The following FNBP1 variants were observed in gnomAD, a reference collection of about 807,000 sequenced individuals.
FNBP1 encodes the protein formin-binding protein 1.
FNBP1 carries 26 observed loss-of-function variants against 90.6 expected under a neutral mutation model. The ratio of observed to expected loss-of-function variants is 0.29; its 90% CI spans 0.21 to 0.40. The LOEUF (loss-of-function observed/expected upper bound fraction) is 0.40, where lower values mean the gene tolerates loss of function less well. Among genes scored for constraint, FNBP1 ranks in the 10% least tolerant of loss-of-function variants. The probability of loss-of-function intolerance (pLI) is 1.00; values close to 1 mark genes in which losing one functional copy is unlikely to be tolerated. For missense variants in FNBP1, 635 were observed against 768.0 expected, an observed-to-expected ratio of 0.83 and a Z score of 2.05; for synonymous variants, 260 against 265.2, an observed-to-expected ratio of 0.98 and a Z score of 0.19.
At chr9:129,962,747 A>G (rs1305899400) in intron 4 of FNBP1, among the ~76,000 whole-genome samples, 1 of 152,218 alleles carries the variant, frequency 6.6e-6, no homozygotes, top group Non-Finnish European at 1.5e-5. Flanking sequence ...TGTAATGGAC[A>G]TAAGGATAGA....
chr9:129,923,806 A>G, intron 10 of FNBP1, 38 bp downstream of exon 10: 1 of 1,521,554 alleles, frequency 6.6e-7, no homozygotes, highest in Non-Finnish European at 8.8e-7. Context: ...ATGCAACCAA[A>G]GCACGCCAGA....
chr9:130,046,921 G>A (rs554906497), upstream of FNBP1, among the ~76,000 whole-genome samples: 347 of 152,114 alleles, frequency 2.3e-3, 1 homozygote, highest in African/African-American at 8.2e-3. Flanking sequence ...GTGAGGCACT[G>A]TAACAAATTA....
chr9:129,899,799 G>GAAGGGA (rs1241321265), intron 15 of FNBP1, among the ~76,000 whole-genome samples, 166 bp downstream of exon 15: 1 of 111,792 alleles, frequency 8.9e-6, no homozygotes, highest in African/African-American at 3.6e-5. Flanking sequence ...GGGAAGGAAG[G>GAAGGGA]AAGGGGAAGG....
intron 7 of FNBP1, among the ~76,000 whole-genome samples, chr9:129,928,574 T>G (rs1052899072): frequency 2.6e-5 from 4 of 151,672 alleles, no homozygotes; most frequent in African/African-American, 9.7e-5. Context: ...GGCAGGAGAT[T>G]CGCCGGAACC....
intron 6 of FNBP1, among the ~76,000 whole-genome samples, chr9:129,946,133 C>G (rs2045252699): frequency 6.6e-6 from 1 of 151,988 alleles, no homozygotes; most frequent in Non-Finnish European, 1.5e-5. Flanking sequence ...GGTGCCACTG[C>G]ACTCCATCCT....
upstream of FNBP1, among the ~76,000 whole-genome samples, chr9:130,045,272 G>C (rs1356895564): frequency 6.6e-6 from 1 of 152,184 alleles, no homozygotes; most frequent in Non-Finnish European, 1.5e-5. Flanking sequence ...TGAGTTGGAG[G>C]GGGAAATTCA....
chr9:129,915,745 T>C (rs1160628271), intron 11 of FNBP1, among the ~76,000 whole-genome samples: 1 of 152,244 alleles, frequency 6.6e-6, no homozygotes, highest in Non-Finnish European at 1.5e-5. Context: ...GTGAGTTAAA[T>C]GTTAATTTTC....
chr9:129,913,080 T>C (rs369480359), intron 11 of FNBP1, among the ~76,000 whole-genome samples: 1 of 151,584 alleles, frequency 6.6e-6, no homozygotes, highest in Non-Finnish European at 1.5e-5. Flanking sequence ...TGATGGCAGT[T>C]GCCTGTAATC....
chr9:129,984,195 C>T (rs952442723), intron 2 of FNBP1, among the ~76,000 whole-genome samples: 3 of 151,578 alleles, frequency 2.0e-5, no homozygotes, highest in Non-Finnish European at 4.4e-5. Flanking sequence ...GAATAAAATC[C>T]AGCCAGAGAA....
Position 129,975,555 on chromosome 9 carries a change from A to C in FNBP1, c.345+2910T>G, listed in dbSNP as rs190429288. Reference sequence around the variant, plus strand: ...ATACAGATATGACAGACTATAAAAAAGTCATCATTAACAGTGAGTAAATAA... The same window carrying C: ...ATACAGATATGACAGACTATAAAAACGTCATCATTAACAGTGAGTAAATAA... On this transcript the variant is annotated intron_variant, in intron 4 of 16. Transcript: ENST00000446176. 3.9e-3 allele frequency among the ~76,000 whole-genome samples: 598 copies of C among 152,316 alleles called. 4 individuals carry two copies. The highest frequency in any genetic ancestry group is 0.013 in the African/African-American group (542 of 41,578).
At chr9:130,026,917 G>C (rs1333999236) in intron 1 of FNBP1, among the ~76,000 whole-genome samples, 1 of 148,790 alleles carries the variant, frequency 6.7e-6, no homozygotes, top group African/African-American at 2.5e-5. Context: ...AGTGAGCCAA[G>C]ACTGCACCAC....
At chr9:129,896,211 G>C (rs2035713593) in intron 15 of FNBP1, among the ~76,000 whole-genome samples, 1 of 152,090 alleles carries the variant, frequency 6.6e-6, no homozygotes, top group African/African-American at 2.4e-5. Context: ...TGTCTCTCTA[G>C]GGACCCTCTC....
Position 129,925,110 on chromosome 9 carries a change from A to T in FNBP1, c.837T>A (p.Pro279=). 2 of 1,613,968 alleles carry T rather than the reference A, an allele frequency of 1.2e-6. No homozygotes were observed. The highest frequency in any genetic ancestry group is 1.7e-6 in the Non-Finnish European group (2 of 1,179,842). Residue 279 remains proline, a synonymous_variant, in exon 9 of 17, where the codon CCT becomes CCA. Transcript: ENST00000446176. ...IEAYKSGFEP[P]GDIEFEDYTQ... ...TGTAATCCTCAAATTCAATGTCTCC[A>T]GGAGGCTCAAACCCTGATTTATAAG...
intron 10 of FNBP1, among the ~76,000 whole-genome samples, chr9:129,917,507 A>AT (rs1245318164): frequency 6.6e-6 from 1 of 151,702 alleles, no homozygotes; most frequent in African/African-American, 2.4e-5. Flanking sequence ...TAAGTTTTGT[A>AT]TTTTTTGGTA....
At chr9:129,945,088 C>T (rs1302603874) in intron 6 of FNBP1, among the ~76,000 whole-genome samples, 3 of 152,102 alleles carry the variant, frequency 2.0e-5, no homozygotes, top group Admixed American at 6.6e-5. Context: ...CTATTTTGTA[C>T]ATTAACTTAT....
intron 1 of FNBP1, among the ~76,000 whole-genome samples, chr9:130,037,003 C>T (rs1306869678): frequency 6.6e-6 from 1 of 150,582 alleles, no homozygotes; most frequent in African/African-American, 2.4e-5. Context: ...CGAAATCACG[C>T]CACTGCACTC....
intron 1 of FNBP1, among the ~76,000 whole-genome samples, chr9:130,020,329 C>T (rs2057695756): frequency 6.6e-6 from 1 of 152,172 alleles, no homozygotes; most frequent in Non-Finnish European, 1.5e-5. Context: ...GTTGCCTCAG[C>T]CTCCCAAGTA....
intron 1 of FNBP1, among the ~76,000 whole-genome samples, chr9:130,040,603 C>A (rs186600011): frequency 1.5e-5 from 2 of 131,248 alleles, no homozygotes; most frequent in African/African-American, 5.7e-5. Flanking sequence ...CCTGGGCAGG[C>A]AACAGAGCAA....
intron 4 of FNBP1, among the ~76,000 whole-genome samples, chr9:129,965,041 T>C (rs887216402): frequency 2.6e-5 from 4 of 152,202 alleles, no homozygotes; most frequent in Admixed American, 1.3e-4. Flanking sequence ...CTGTTTCCTC[T>C]AAACTCACAG....
Sources: gnomAD v4.1 joint callset for allele counts (sites outside exome capture counted in the v4.1 genomes callset) on GRCh38, gnomAD v4.1.1 for gene constraint, MANE v1.5 for transcripts, NCBI Gene and HGNC (gene_info 2026-07-23, HGNC 2026-07-21) for gene names.